Variants in ITPR2 observed in about 807,000 individuals in gnomAD.
ITPR2 encodes inositol 1,4,5-trisphosphate-gated calcium channel ITPR2.
ITPR2 carries 207 observed loss-of-function variants against 317.1 expected under a neutral mutation model. That is an observed-to-expected ratio of 0.65 (90% confidence interval 0.58 to 0.73). ITPR2 has a LOEUF of 0.73. Ranked by LOEUF, ITPR2 falls within the 30% of genes least tolerant of loss-of-function variation. The pLI, the probability that ITPR2 is intolerant of heterozygous loss-of-function variation, is 0.00. For missense variants in ITPR2, 2,613 were observed against 3,284.0 expected, an observed-to-expected ratio of 0.80 and a Z score of 4.99; for synonymous variants, 1,156 against 1,149.1, an observed-to-expected ratio of 1.01 and a Z score of -0.12.
rs1365733409 is a variant in ITPR2 at position 26,597,223 on chromosome 12, A to G, written c.4003-89T>C. 2.9e-6 allele frequency: 4 copies of G among 1,370,692 alleles called. No individual in the cohort carries two copies. The East Asian group carries it at 6.9e-5, about 23-fold the overall frequency. 84.9% of individuals were successfully genotyped at this position (1,370,692 alleles called of 1,614,324 possible). A position where few individuals can be genotyped will look rare whatever the true frequency, so the allele number is the denominator to read the frequency against. On this transcript the variant is annotated intron_variant, in intron 30 of 56. Transcript: ENST00000381340. ...AGGCTTGATATATCTGGAAACACGT[A>G]TATCTCTTCGTAAAAACATATATAA...
intron 43 of ITPR2, among the ~76,000 whole-genome samples, chr12:26,479,482 A>G (rs1008993216): frequency 1.3e-5 from 2 of 152,142 alleles, no homozygotes; most frequent in African/African-American, 4.8e-5. Context: ...TAGTCTTTAG[A>G]CTAATGAAGG....
intron 55 of ITPR2, among the ~76,000 whole-genome samples, chr12:26,343,046 T>C (rs1243534705): frequency 1.3e-5 from 2 of 152,178 alleles, no homozygotes. Context: ...TTCTCTGCCA[T>C]ATTTTGACGC....
At chr12:26,560,387 C>T (rs1944781804) in intron 35 of ITPR2, among the ~76,000 whole-genome samples, 1 of 152,156 alleles carries the variant, frequency 6.6e-6, no homozygotes, top group Admixed American at 6.6e-5. Flanking sequence ...GACTTAACTT[C>T]CAATATACTC....
chr12:26,387,847 T>G (rs753254161), intron 54 of ITPR2, among the ~76,000 whole-genome samples: 1 of 152,100 alleles, frequency 6.6e-6, no homozygotes, highest in Non-Finnish European at 1.5e-5. Flanking sequence ...CTGTAATAGA[T>G]GAAAAAGTTG....
chr12:26,687,446 C>G (rs918680293), intron 10 of ITPR2, among the ~76,000 whole-genome samples: 12 of 152,214 alleles, frequency 7.9e-5, no homozygotes, highest in African/African-American at 2.4e-4. Context: ...CAGACAGAAA[C>G]ACTGTCACTG....
At chr12:26,682,697 AAC>A in intron 11 of ITPR2, 24 bp from the exon 12 acceptor site, 1 of 1,455,996 alleles carries the variant, frequency 6.9e-7, no homozygotes, top group East Asian at 2.3e-5. Flanking sequence ...AATATAAAAA[AAC>A]AAATTATAAA....
chr12:26,384,797 T>G (rs1939619457), intron 55 of ITPR2, among the ~76,000 whole-genome samples: 1 of 152,202 alleles, frequency 6.6e-6, no homozygotes, highest in African/African-American at 2.4e-5. Context: ...TTAGATATAC[T>G]CCTGTTCCTG....
rs145578579 is a variant in ITPR2, at chr12:26,664,938, G to C, written c.1551+972C>G. On this transcript the variant is annotated intron_variant, in intron 14 of 56. Transcript: ENST00000381340. ...CTATTTTCCTTTCCCAAATCAATAA[G>C]AATATGTGTATCAAGAACATGATTT... Among the ~76,000 whole-genome samples the C allele has an allele frequency of 7.4e-3, 1,131 of 152,102 alleles. 12 individuals are homozygous for C. Among genetic ancestry groups the C allele is most frequent in the African/African-American group, 0.026 (1,086 of 41,492 alleles).
intron 2 of ITPR2, among the ~76,000 whole-genome samples, chr12:26,781,833 G>GA (rs1476230081): frequency 6.6e-6 from 1 of 151,772 alleles, no homozygotes; most frequent in Non-Finnish European, 1.5e-5. Context: ...TAAAGCAGCA[G>GA]AAAAATGTGA....
Position 26,653,959 on chromosome 12 carries a change from T to C in ITPR2, c.2740+17A>G. The C allele has an allele frequency of 6.3e-7, 1 of 1,597,198 alleles. No homozygotes were observed. The highest frequency in any genetic ancestry group is 8.6e-7 in the Non-Finnish European group (1 of 1,167,814). ...AAGTAATAACAATGATATTATCACA[T>C]TTCCCAAAATTCTTACCTCCATCTT... is the stretch of plus-strand genomic sequence containing the variant. On this transcript the variant is annotated intron_variant, in intron 21 of 56. Coordinates refer to ENST00000381340, the MANE Select transcript of ITPR2 (RefSeq NM_002223.4).
chr12:26,625,681 A>C (rs1946607284), intron 23 of ITPR2, among the ~76,000 whole-genome samples: 1 of 152,224 alleles, frequency 6.6e-6, no homozygotes, highest in African/African-American at 2.4e-5. Context: ...TATAGATCAT[A>C]TATACATACA....
At chr12:26,495,008 GC>G in intron 38 of ITPR2, 143 bp downstream of exon 38, 2 of 638,112 alleles carry the variant, frequency 3.1e-6, no homozygotes, top group South Asian at 3.8e-5. Flanking sequence ...TGTTTTATGA[GC>G]CCCAAATTGT....
chr12:26,339,409 C>T lies in ITPR2; in HGVS notation c.8094G>A (p.Met2698Ile). The change falls in exon 57 of 57, where the codon ATG becomes ATA. Residue 2698 changes from methionine to isoleucine, a missense_variant. Physicochemically the swap from Met to Ile is conservative, Grantham distance 10. Coordinates refer to ENST00000381340, the MANE Select transcript of ITPR2 (RefSeq NM_002223.4). ...TCCCCCCATGGTATCAGTGTGGTGG[C>T]ATGTGATGATTCACATGGGGTGTGT... ...GSNTPHVNHH[M>I]PPH is the part of the protein sequence containing the mutation. 2 of 1,613,532 alleles carry T rather than the reference C, an allele frequency of 1.2e-6. No individual in the cohort carries two copies. Among genetic ancestry groups the T allele is most frequent in the South Asian group, 2.2e-5 (2 of 91,040 alleles).
intron 2 of ITPR2, among the ~76,000 whole-genome samples, chr12:26,774,206 A>T (rs1047863255): frequency 2.0e-5 from 3 of 152,160 alleles, no homozygotes; most frequent in African/African-American, 7.2e-5. Context: ...TGTAGAATTT[A>T]AGACTATAAC....
chr12:26,379,781 G>GTAC (rs1939449959), intron 55 of ITPR2, among the ~76,000 whole-genome samples: 1 of 152,116 alleles, frequency 6.6e-6, no homozygotes, highest in East Asian at 1.9e-4. Context: ...TTTTATCAAT[G>GTAC]GGTACATTGA....
intron 26 of ITPR2, among the ~76,000 whole-genome samples, chr12:26,606,895 T>C (rs1444958261): frequency 6.6e-6 from 1 of 152,176 alleles, no homozygotes; most frequent in Non-Finnish European, 1.5e-5. Flanking sequence ...ATGATTGTGC[T>C]AATCACTCCA....
intron 45 of ITPR2, among the ~76,000 whole-genome samples, chr12:26,452,333 T>A (rs1941762056): frequency 1.3e-5 from 2 of 152,040 alleles, no homozygotes; most frequent in South Asian, 2.1e-4. Context: ...AAGAGAAATG[T>A]TAACATGTAG....
rs535897969 is a variant in ITPR2, at chr12:26,718,599, G to GTA, written c.526-2359_526-2358dup. ...ATATAGTATATATATATGTGTGTGT[G>GTA]TATATATATATAGTTTTTTCTGTTT... On this transcript the variant is annotated intron_variant, in intron 5 of 56. Coordinates refer to ENST00000381340, the MANE Select transcript of ITPR2 (RefSeq NM_002223.4). Among the ~76,000 whole-genome samples the GTA allele has an allele frequency of 3.6e-3, 536 of 149,750 alleles. 2 individuals are homozygous for GTA. Among genetic ancestry groups the GTA allele is most frequent in the African/African-American group, 0.012 (505 of 40,870 alleles).
rs557577796 is a variant in ITPR2, at chr12:26,708,868, C to T, written c.951+2305G>A. On this transcript the variant is annotated intron_variant, in intron 9 of 56. Transcript: ENST00000381340. Reference sequence around the variant, plus strand: ...TGCCTGCATCAAGACATCACACGTGCCCCATAAGTGTATACGTATACTATG... The same window carrying T: ...TGCCTGCATCAAGACATCACACGTGTCCCATAAGTGTATACGTATACTATG... Among the ~76,000 whole-genome samples the T allele has an allele frequency of 4.6e-5, 7 of 152,170 alleles. No homozygotes were observed. The South Asian group carries it at 1.5e-3, about 32-fold the overall frequency.
Sources: gnomAD v4.1 joint callset for allele counts (sites outside exome capture counted in the v4.1 genomes callset) on GRCh38, gnomAD v4.1.1 for gene constraint, MANE v1.5 for transcripts, NCBI Gene and HGNC (gene_info 2026-07-23, HGNC 2026-07-21) for gene names.